Variants in HERC4 observed in about 807,000 individuals in gnomAD.
The protein encoded by HERC4 is HECT and RLD domain containing E3 ubiquitin protein ligase 4, also known as probable E3 ubiquitin-protein ligase HERC4.
A neutral mutation model predicts 124.3 loss-of-function variants in HERC4; 28 were observed. The observed-to-expected ratio is 0.23, with a 90% CI of 0.17 to 0.31. HERC4 has a LOEUF of 0.31. Ranked by LOEUF, HERC4 falls within the 10% of genes least tolerant of loss-of-function variation. The pLI is 1.00. For missense variants in HERC4, 713 were observed against 1,229.3 expected (o/e 0.58, Z 6.28); for synonymous variants, 407 against 421.5 (o/e 0.97, Z 0.42).
chr10:67,927,066 A>C (rs1240835038), intron 23 of HERC4, among the ~76,000 whole-genome samples: 5 of 152,060 alleles, frequency 3.3e-5, no homozygotes, highest in African/African-American at 1.2e-4. Flanking sequence ...TAATCACTGA[A>C]CTCTCAATAA....
chr10:68,010,759 T>G, intron 9 of HERC4: 1 of 1,492,374 alleles, frequency 6.7e-7, no homozygotes, highest in Non-Finnish European at 9.2e-7. Context: ...TATTCCCAAA[T>G]AGAACCCCCA....
rs758745290 is a variant in HERC4, at chr10:67,941,124, G to C, written c.2338-19C>G. 1 of 1,463,330 alleles carries C rather than the reference G, an allele frequency of 6.8e-7. No homozygotes were observed. Among genetic ancestry groups the C allele is most frequent in the South Asian group, 1.4e-5 (1 of 71,534 alleles). The allele number at this position is 1,463,330 out of a possible 1,614,324, so 90.6% of individuals were successfully genotyped here. A position where few individuals can be genotyped will look rare whatever the true frequency, so the allele number is the denominator to read the frequency against. On this transcript the variant is annotated intron_variant, in intron 19 of 24. Transcript: ENST00000373700. ...CAAATGTCTAAAAATATAAGAAAAA[G>C]TAAACACATGTCCTCCAAGTTAAAA...
intron 15 of HERC4, among the ~76,000 whole-genome samples, chr10:67,979,780 C>CA (rs993165843): frequency 3.3e-5 from 5 of 151,754 alleles, no homozygotes; most frequent in African/African-American, 4.8e-5. Flanking sequence ...ACTAAAAATA[C>CA]AAAAAAATTA....
chr10:67,994,372 T>C (rs1410838170), intron 9 of HERC4: 1 of 152,162 alleles, frequency 6.6e-6, no homozygotes, highest in Non-Finnish European at 1.5e-5. Context: ...CATGAATGGG[T>C]TTCTGGAGGC....
At chr10:68,025,421 C>T (rs1177899223) in intron 8 of HERC4, 125 bp downstream of exon 8, 3 of 1,053,006 alleles carry the variant, frequency 2.8e-6, no homozygotes, top group African/African-American at 3.2e-5. Flanking sequence ...TCCTCAGTGG[C>T]AAAATAGGTA....
intron 8 of HERC4, among the ~76,000 whole-genome samples, chr10:68,023,403 A>C (rs1419724206): frequency 6.6e-6 from 1 of 152,236 alleles, no homozygotes; most frequent in Non-Finnish European, 1.5e-5. Flanking sequence ...GAAATTCTAC[A>C]ACATGGGTGA....
At chr10:67,976,579 C>T (rs1340516095) in intron 15 of HERC4, among the ~76,000 whole-genome samples, 1 of 152,052 alleles carries the variant, frequency 6.6e-6, no homozygotes, top group East Asian at 1.9e-4. Context: ...ACAAAAAAAG[C>T]ATCTTCCTGA....
intron 16 of HERC4, 41 bp downstream of exon 16, chr10:67,966,642 T>C (rs775579341): frequency 3.8e-6 from 6 of 1,580,620 alleles, no homozygotes; most frequent in Non-Finnish European, 5.2e-6. Context: ...ATTAGATACA[T>C]ATACATAAAA....
intron 19 of HERC4, among the ~76,000 whole-genome samples, chr10:67,950,901 C>G (rs1016306309): frequency 6.6e-5 from 10 of 152,162 alleles, no homozygotes; most frequent in African/African-American, 2.4e-4. Context: ...TACCATTTTC[C>G]ACTTAAAGAA....
intron 9 of HERC4, among the ~76,000 whole-genome samples, chr10:67,999,980 G>A (rs1475942591): frequency 6.6e-6 from 1 of 152,114 alleles, no homozygotes; most frequent in Non-Finnish European, 1.5e-5. Context: ...TATCTGAAGT[G>A]TTATATTTGA....
Position 67,992,187 on chromosome 10 carries a change from T to C in HERC4, c.1271+12A>G. On this transcript the variant is annotated intron_variant, in intron 11 of 24. Transcript: ENST00000373700. Reference sequence around the variant, plus strand: ...ATGAGCCACTGTGCCTGGCCCAAAATGCTTTTCTTACTTGGCTATCTCCAC... The same window carrying C: ...ATGAGCCACTGTGCCTGGCCCAAAACGCTTTTCTTACTTGGCTATCTCCAC... 1 of 1,612,600 alleles carries C rather than the reference T, an allele frequency of 6.2e-7. No homozygotes were observed.
At chr10:67,934,466 G>A (rs1299682072) in intron 22 of HERC4, among the ~76,000 whole-genome samples, 1 of 152,038 alleles carries the variant, frequency 6.6e-6, no homozygotes, top group African/African-American at 2.4e-5. Context: ...TGATCCTTCA[G>A]AAAGAATCTT....
chr10:67,946,055 C>A (rs920903798), intron 19 of HERC4, among the ~76,000 whole-genome samples: 2 of 151,890 alleles, frequency 1.3e-5, no homozygotes, highest in Admixed American at 1.3e-4. Context: ...GAATTTGAGA[C>A]CAGCCTGGGC....
At chr10:68,074,646 A>C (rs2041723983) in intron 1 of HERC4, 1 of 152,242 alleles carries the variant, frequency 6.6e-6, no homozygotes, top group Non-Finnish European at 1.5e-5. Flanking sequence ...TCATCTGCAC[A>C]CACCCAACCT....
In HERC4 at chr10:68,025,528, T is replaced by C. The variant is rs1360134099; in HGVS notation, c.908+18A>G. ...CTGCAGTTTAGAGACCAAAATGCTC[T>C]TTTACATAACACCTTACCGTCCACA... is the stretch of plus-strand genomic sequence containing the variant. On this transcript the variant is annotated intron_variant, in intron 8 of 24. Coordinates refer to ENST00000373700, the MANE Select transcript of HERC4 (RefSeq NM_015601.4). 1.9e-6 allele frequency: 3 copies of C among 1,605,960 alleles called. No individual in the cohort carries two copies. Among genetic ancestry groups the C allele is most frequent in the Non-Finnish European group, 2.6e-6 (3 of 1,175,882 alleles).
chr10:67,937,870 C>T (rs1163863439), intron 21 of HERC4, among the ~76,000 whole-genome samples: 2 of 151,582 alleles, frequency 1.3e-5, no homozygotes, highest in Non-Finnish European at 2.9e-5. Flanking sequence ...TTAGTAGAGA[C>T]GGGGTTTCAC....
chr10:68,000,805 A>G (rs989290900), intron 9 of HERC4, among the ~76,000 whole-genome samples: 1 of 152,122 alleles, frequency 6.6e-6, no homozygotes, highest in Non-Finnish European at 1.5e-5. Context: ...TTGACAGCAA[A>G]CCACCAGAAA....
At chr10:67,936,789 C>A (rs942336267) in intron 21 of HERC4, among the ~76,000 whole-genome samples, 1 of 152,068 alleles carries the variant, frequency 6.6e-6, no homozygotes, top group African/African-American at 2.4e-5. Context: ...TGCATCTTTT[C>A]TTTTGCTACT....
At position 67,988,788 on chromosome 10, in the gene HERC4, C is replaced by T; in HGVS notation, c.1681G>A (p.Glu561Lys). 1 of 1,608,418 alleles carries T rather than the reference C, an allele frequency of 6.2e-7. No homozygotes were observed. The highest frequency in any genetic ancestry group is 8.5e-7 in the Non-Finnish European group (1 of 1,176,890). ...TGTACCACAACTTCCTTAAAAAGTT[C>T]TACTATCTTGAGGAATAGTGGAGGT... is the stretch of plus-strand genomic sequence containing the variant. Reference protein sequence around the residue: ...LEPPLFLKIVELFKEVVVHLL... With the variant: ...LEPPLFLKIVKLFKEVVVHLL... The change falls in exon 15 of 25, where the codon GAA (glutamate) becomes AAA (lysine). Residue 561 changes from glutamate to lysine, a missense_variant. Glu to Lys is a moderately conservative substitution (Grantham distance 56). Transcript: ENST00000373700.
Sources: allele counts gnomAD v4.1 joint callset (sites outside exome capture counted in the v4.1 genomes callset), GRCh38; gene constraint gnomAD v4.1.1; transcripts MANE v1.5; gene names NCBI Gene and HGNC (gene_info 2026-07-23, HGNC 2026-07-21).